RBM34: variants seen among roughly 807,000 people sequenced by gnomAD.
RBM34 encodes the protein RNA binding motif protein 34.
RBM34 carries 39 observed loss-of-function variants against 44.6 expected under a neutral mutation model. The ratio of observed to expected loss-of-function variants is 0.87; its 90% CI spans 0.68 to 1.14. RBM34 has a LOEUF of 1.14. Ranked by LOEUF, RBM34 falls within the 50% of genes most tolerant of loss-of-function variation. RBM34 has a pLI of 0.00. For missense variants in RBM34, 572 were observed against 517.9 expected (o/e 1.10, Z -1.01); for synonymous variants, 194 against 184.0 (o/e 1.05, Z -0.44).
At chr1:235,156,155 A>G (rs1189618165) in intron 3 of RBM34, among the ~76,000 whole-genome samples, 2 of 151,232 alleles carry the variant, frequency 1.3e-5, no homozygotes, top group Non-Finnish European at 2.9e-5. Flanking sequence ...GGCATGAGCC[A>G]CCGCGCCCAG....
chr1:235,141,638 C>T (rs1661686869), intron 6 of RBM34, among the ~76,000 whole-genome samples: 1 of 152,190 alleles, frequency 6.6e-6, no homozygotes, highest in Non-Finnish European at 1.5e-5. Context: ...CTTGCTACTG[C>T]TCACTCTTTG....
chr1:235,134,793 GGA>G (rs1485770609), intron 10 of RBM34, among the ~76,000 whole-genome samples: 3 of 149,526 alleles, frequency 2.0e-5, no homozygotes, highest in Admixed American at 2.0e-4. Context: ...TGCCCAGGCT[GGA>G]GTGCAATGGA....
chr1:235,147,274 T>C (rs1661945038), intron 6 of RBM34, among the ~76,000 whole-genome samples: 1 of 152,044 alleles, frequency 6.6e-6, no homozygotes, highest in Non-Finnish European at 1.5e-5. Context: ...AACAATGAGA[T>C]GGGGCTGGAG....
chr1:235,140,782 C>T (rs1032641215), intron 6 of RBM34, among the ~76,000 whole-genome samples: 4 of 152,232 alleles, frequency 2.6e-5, no homozygotes, highest in African/African-American at 9.6e-5. Context: ...TGTGGACAAC[C>T]TTTATGTCTA....
chr1:235,145,747 C>T (rs1196533572), intron 6 of RBM34, among the ~76,000 whole-genome samples: 2 of 152,120 alleles, frequency 1.3e-5, no homozygotes, highest in Non-Finnish European at 2.9e-5. Flanking sequence ...AGCTTATGTA[C>T]AAAATTACCT....
chr1:235,138,028 A>T, intron 7 of RBM34, 63 bp downstream of exon 7: 2 of 1,542,520 alleles, frequency 1.3e-6, no homozygotes, highest in Non-Finnish European at 1.8e-6. Context: ...CCAAAGAATA[A>T]AAAAAGTACT....
intron 3 of RBM34, among the ~76,000 whole-genome samples, chr1:235,158,097 C>T (rs528935177): frequency 2.2e-4 from 34 of 151,552 alleles, no homozygotes; most frequent in African/African-American, 6.8e-4. Context: ...AGATTAGAAT[C>T]GTGAGCACGT....
rs780831112 is a variant in RBM34, at chr1:235,155,011, T to C, written c.467A>G (p.Lys156Arg). 9 of 1,614,118 alleles carry C rather than the reference T, an allele frequency of 5.6e-6. No individual in the cohort carries two copies. In the South Asian group the frequency reaches 6.6e-5, roughly 12 times the overall value. ...TGTGTCTTCTGTGTCATCAAGTATT[T>C]TTCTATCTGCTACTTTAACACCAGG... ...SQPGVKVADR[K>R]ILDDTEDTVV... is the part of the protein sequence containing the mutation. The change falls in exon 4 of 11, where the codon AAA (lysine) becomes AGA (arginine). Residue 156 changes from lysine to arginine, a missense_variant. Coordinates refer to ENST00000408888, the MANE Select transcript of RBM34 (RefSeq NM_015014.4).
intron 6 of RBM34, among the ~76,000 whole-genome samples, chr1:235,147,220 G>A (rs1366753893): frequency 6.6e-6 from 1 of 152,188 alleles, no homozygotes; most frequent in East Asian, 1.9e-4. Flanking sequence ...GACAGAGCAA[G>A]AGCTTGTATG....
intron 4 of RBM34, among the ~76,000 whole-genome samples, chr1:235,154,133 C>T (rs1463306988): frequency 2.6e-5 from 4 of 151,948 alleles, no homozygotes; most frequent in Non-Finnish European, 5.9e-5. Flanking sequence ...GTAGTCCCAG[C>T]TACTCAGGAG....
At chr1:235,140,776 G>C (rs946137845) in intron 6 of RBM34, among the ~76,000 whole-genome samples, 1 of 152,244 alleles carries the variant, frequency 6.6e-6, no homozygotes, top group Non-Finnish European at 1.5e-5. Context: ...TGGGGATGTG[G>C]ACAACCTTTA....
chr1:235,160,603 T>C lies in RBM34; in HGVS notation c.273A>G (p.Thr91=). The C allele has an allele frequency of 1.2e-6, 2 of 1,613,906 alleles. No homozygotes were observed. Among genetic ancestry groups the C allele is most frequent in the Non-Finnish European group, 1.7e-6 (2 of 1,179,928 alleles). ...KTKRNEEEES[T]SQIERPLSQE... is the part of the protein sequence containing the mutation. ...GCGAAAGTGGTCTTTCAATCTGGGATGTACTTTCTTCCTCCTCATTCCGTT... is the reference window on the plus strand; with the variant it reads ...GCGAAAGTGGTCTTTCAATCTGGGACGTACTTTCTTCCTCCTCATTCCGTT... The change falls in exon 3 of 11, where the codon ACA becomes ACG. Residue 91 remains threonine, a synonymous_variant. Coordinates refer to ENST00000408888, the MANE Select transcript of RBM34 (RefSeq NM_015014.4).
intron 1 of RBM34, 37 bp from the exon 2 acceptor site, chr1:235,161,104 A>G: frequency 6.2e-7 from 1 of 1,607,318 alleles, no homozygotes; most frequent in Non-Finnish European, 8.5e-7. Flanking sequence ...CACGCCACGC[A>G]CCACCGCTTC....
intron 5 of RBM34, among the ~76,000 whole-genome samples, chr1:235,148,971 A>T (rs1317577280): frequency 2.0e-5 from 3 of 152,066 alleles, no homozygotes; most frequent in Non-Finnish European, 4.4e-5. Context: ...TCATGCTCAG[A>T]TTTAACAGGC....
chr1:235,135,045 G>GTAATTTTTAAATTT (rs2102824559), intron 10 of RBM34, among the ~76,000 whole-genome samples: 1 of 146,730 alleles, frequency 6.8e-6, no homozygotes, highest in Non-Finnish European at 1.5e-5. Flanking sequence ...CATCTGGCCG[G>GTAATTTTTAAATTT]TTTGTTTTTT....
At chr1:235,143,025 G>C (rs999403876) in intron 6 of RBM34, among the ~76,000 whole-genome samples, 2 of 150,702 alleles carry the variant, frequency 1.3e-5, no homozygotes. Context: ...GTTATATCTA[G>C]AATATATAAA....
intron 8 of RBM34, 94 bp downstream of exon 8, chr1:235,137,783 A>G: frequency 1.0e-6 from 1 of 964,078 alleles, no homozygotes. Context: ...CTTCCCTCAC[A>G]TTGCTGATTC....
At position 235,154,972 on chromosome 1, in the gene RBM34, C is replaced by T. The variant is rs1386433599; in HGVS notation, c.506G>A (p.Arg169Lys). ...DDTEDTVVSQ[R>K]KKIQINQEEE... ...TTCTTGGTTGATTTGAATTTTCTTT[C>T]TTTGACTGACAACTGTGTCTTCTGT... is the stretch of plus-strand genomic sequence containing the variant. Residue 169 changes from arginine to lysine, a missense_variant, in exon 4 of 11, where the codon AGA (arginine) becomes AAA (lysine). Arg to Lys is a conservative substitution (Grantham distance 26). Transcript: ENST00000408888. 1 of 1,614,094 alleles carries T rather than the reference C, an allele frequency of 6.2e-7. No homozygotes were observed. The highest frequency in any genetic ancestry group is 8.5e-7 in the Non-Finnish European group (1 of 1,179,982).
Position 235,155,313 on chromosome 1 carries a change from A to G in RBM34, c.366-201T>C, listed in dbSNP as rs878948515. On this transcript the variant is annotated intron_variant, in intron 3 of 10. Coordinates refer to ENST00000408888, the MANE Select transcript of RBM34 (RefSeq NM_015014.4). ...GACTAGTATCTTTAGAAAAAAAATGATTTAACTCAAGATTTAGAAAAAGTT... is the reference window on the plus strand; with the variant it reads ...GACTAGTATCTTTAGAAAAAAAATGGTTTAACTCAAGATTTAGAAAAAGTT... 3.9e-5 allele frequency among the ~76,000 whole-genome samples: 6 copies of G among 152,064 alleles called. No individual in the cohort carries two copies. In the South Asian group the frequency reaches 1.2e-3, roughly 32 times the overall value.
Sources: allele counts gnomAD v4.1 joint callset (sites outside exome capture counted in the v4.1 genomes callset), GRCh38; gene constraint gnomAD v4.1.1; transcripts MANE v1.5; gene names NCBI Gene and HGNC (gene_info 2026-07-23, HGNC 2026-07-21).